WWOX: variants seen among roughly 807,000 people sequenced by gnomAD.
The protein encoded by WWOX is WW domain-containing oxidoreductase.
WWOX carries 69 observed loss-of-function variants against 46.2 expected under a neutral mutation model. The observed-to-expected ratio is 1.49, with a 90% CI of 1.23 to 1.82. The LOEUF is 1.82. WWOX is among the 40% of genes most tolerant of loss of function. WWOX has a pLI of 0.00. For synonymous variants in WWOX, 359 were observed against 202.6 expected (o/e 1.77, Z -6.56); for missense variants, 919 against 542.6 (o/e 1.69, Z -6.89).
At chr16:79,042,013 C>G (rs1056059456) in intron 8 of WWOX, among the ~76,000 whole-genome samples, 1 of 152,112 alleles carries the variant, frequency 6.6e-6, no homozygotes, top group Non-Finnish European at 1.5e-5. Context: ...AATGTATATA[C>G]CTTCTATCCT....
At chr16:78,922,326 C>G (rs1309569726) in intron 8 of WWOX, among the ~76,000 whole-genome samples, 1 of 151,990 alleles carries the variant, frequency 6.6e-6, no homozygotes, top group African/African-American at 2.4e-5. Flanking sequence ...TCAGAGGTGC[C>G]CAAGCAAACA....
At chr16:78,972,547 A>G (rs1176098406) in intron 8 of WWOX, among the ~76,000 whole-genome samples, 1 of 151,948 alleles carries the variant, frequency 6.6e-6, no homozygotes, top group Non-Finnish European at 1.5e-5. Flanking sequence ...GAGGGTGAAG[A>G]GTAGCAAATT....
At chr16:79,114,037 C>T (rs929397630) in intron 8 of WWOX, among the ~76,000 whole-genome samples, 4 of 152,140 alleles carry the variant, frequency 2.6e-5, no homozygotes, top group East Asian at 1.9e-4. Flanking sequence ...GCCCCAGGTG[C>T]TGGCCTAAGG....
At chr16:78,914,564 A>C (rs185362432) in intron 8 of WWOX, among the ~76,000 whole-genome samples, 57 of 152,044 alleles carry the variant, frequency 3.7e-4, no homozygotes, top group African/African-American at 1.2e-3. Context: ...GGGATCAAGA[A>C]CTTTTAGGCA....
intron 8 of WWOX, among the ~76,000 whole-genome samples, chr16:78,982,511 A>G (rs3751834): frequency 0.17 from 25,708 of 152,142 alleles, 2,471 homozygotes; most frequent in Middle Eastern, 0.27. Flanking sequence ...GTGTGTATGT[A>G]TCTTTAGACT....
intron 8 of WWOX, among the ~76,000 whole-genome samples, chr16:78,931,329 C>G (rs1392513163): frequency 2.6e-5 from 4 of 152,160 alleles, no homozygotes; most frequent in East Asian, 1.9e-4. Flanking sequence ...AGGTCTTCTT[C>G]TCTTTGGAGA....
intron 8 of WWOX, among the ~76,000 whole-genome samples, chr16:78,922,670 C>T (rs1277757231): frequency 6.6e-6 from 1 of 151,850 alleles, no homozygotes; most frequent in Admixed American, 6.6e-5. Flanking sequence ...TGAGCCACGA[C>T]CACCAGCCTC....
rs779384560 is a variant in WWOX, at chr16:79,211,652, A to C, written c.1101A>C (p.Glu367Asp). Reference sequence around the variant, plus strand: ...CCGTGTACTGTGCTGCTGTCCCAGAACTGGAGGGTCTGGGAGGGATGTACT... The same window carrying C: ...CCGTGTACTGTGCTGCTGTCCCAGACCTGGAGGGTCTGGGAGGGATGTACT... ...ATTVYCAAVPELEGLGGMYFN... is the reference protein window; with the variant it reads ...ATTVYCAAVPDLEGLGGMYFN... Residue 367 changes from glutamate (E) to aspartate (D), a missense_variant, in exon 9 of 9, where the codon GAA becomes GAC. Coordinates refer to ENST00000566780, the MANE Select transcript of WWOX (RefSeq NM_016373.4). The C allele has an allele frequency of 1.9e-6, 3 of 1,614,174 alleles. No individual in the cohort carries two copies. The highest frequency in any genetic ancestry group is 2.2e-5 in the East Asian group (1 of 44,856).
chr16:79,120,656 C>A (rs575217838), intron 8 of WWOX, among the ~76,000 whole-genome samples: 1 of 152,202 alleles, frequency 6.6e-6, no homozygotes, highest in Admixed American at 6.5e-5. Flanking sequence ...CCCTTCCCGG[C>A]TTCAGGTCGC....
intron 8 of WWOX, among the ~76,000 whole-genome samples, chr16:78,571,249 A>G (rs891324759): frequency 2.6e-5 from 4 of 152,292 alleles, no homozygotes; most frequent in East Asian, 1.9e-4. Context: ...GCTTAAATAG[A>G]TTTTTATGAG....
chr16:78,568,088 C>T (rs535095431), intron 8 of WWOX, among the ~76,000 whole-genome samples: 11 of 152,260 alleles, frequency 7.2e-5, no homozygotes, highest in Admixed American at 3.3e-4. Context: ...GGCAGAAGAA[C>T]GCCGTCGTAA....
At chr16:78,691,169 T>C in intron 8 of WWOX, 2 of 695,284 alleles carry the variant, frequency 2.9e-6, no homozygotes, top group East Asian at 2.7e-5. Flanking sequence ...CCCCCAGTGT[T>C]TGTGCGATAA....
intron 5 of WWOX, among the ~76,000 whole-genome samples, chr16:78,301,485 C>G (rs1404580113): frequency 6.6e-6 from 1 of 151,974 alleles, no homozygotes; most frequent in African/African-American, 2.4e-5. Context: ...CTTTATGAAT[C>G]TGGTTTTGAC....
intron 5 of WWOX, among the ~76,000 whole-genome samples, chr16:78,314,701 G>GTTTTTTTTTTTTTTTTTTTTT (rs920575863): frequency 4.9e-5 from 3 of 61,302 alleles, no homozygotes; most frequent in Admixed American, 2.0e-4. Context: ...TTTTTTTTTT[G>GTTTTTTTTTTTTTTTTTTTTT]TTTTTTTTTT....
intron 8 of WWOX, among the ~76,000 whole-genome samples, chr16:79,158,094 C>T (rs2050417131): frequency 6.6e-6 from 1 of 152,048 alleles, no homozygotes. Context: ...GATGTCAAAG[C>T]ATGGGAGGAC....
intron 5 of WWOX, among the ~76,000 whole-genome samples, chr16:78,361,601 C>T (rs569584200): frequency 2.0e-5 from 3 of 151,930 alleles, no homozygotes; most frequent in Admixed American, 6.6e-5. Flanking sequence ...CCTTCTCCCC[C>T]ATTTCTTTCT....
chr16:78,692,527 C>T (rs533942783), intron 8 of WWOX, among the ~76,000 whole-genome samples: 39 of 152,272 alleles, frequency 2.6e-4, no homozygotes, highest in African/African-American at 6.7e-4. Context: ...GGTTCTAAGA[C>T]GTCCAAGGAG....
chr16:79,038,133 C>T (rs535879763), intron 8 of WWOX, among the ~76,000 whole-genome samples: 1 of 152,100 alleles, frequency 6.6e-6, no homozygotes, highest in Non-Finnish European at 1.5e-5. Flanking sequence ...AAGGATCTGT[C>T]CCCCCGTGAA....
intron 8 of WWOX, among the ~76,000 whole-genome samples, chr16:78,615,029 A>T (rs1201934412): frequency 6.6e-6 from 1 of 152,184 alleles, no homozygotes; most frequent in Non-Finnish European, 1.5e-5. Context: ...GCTAGAAGGT[A>T]GGGCTAATGC....
Sources: gnomAD v4.1 joint callset for allele counts (sites outside exome capture counted in the v4.1 genomes callset) on GRCh38, gnomAD v4.1.1 for gene constraint, MANE v1.5 for transcripts, NCBI Gene and HGNC (gene_info 2026-07-23, HGNC 2026-07-21) for gene names.